LMO7: variants seen among roughly 807,000 people sequenced by gnomAD.
LMO7 encodes the protein LIM domain 7, also known as LIM domain only protein 7.
Under a neutral mutation model 206.5 loss-of-function variants are expected in LMO7, and 120 were observed. The observed-to-expected ratio is 0.58, with a 90% CI of 0.50 to 0.68. LMO7 has a LOEUF of 0.68. Among genes scored for constraint, LMO7 ranks in the 30% least tolerant of loss-of-function variants. The pLI is 0.00. For missense variants in LMO7, 1,959 were observed against 1,957.9 expected, an observed-to-expected ratio of 1.00 and a Z score of -0.01; for synonymous variants, 706 against 681.5, an observed-to-expected ratio of 1.04 and a Z score of -0.56.
At chr13:75,636,175 G>C (rs1001068088), upstream of LMO7, 1 of 462,962 alleles carries the variant, frequency 2.2e-6, no homozygotes, top group African/African-American at 2.1e-5. Context: ...GGGCCAGACA[G>C]TCTGACCACA....
At position 75,821,711 on chromosome 13, in the gene LMO7, A is replaced by T. The variant is rs1376575236; in HGVS notation, c.2640+102A>T. 7 of 694,422 alleles carry T rather than the reference A, an allele frequency of 1.0e-5. No individual in the cohort carries two copies. The South Asian group carries it at 1.2e-4, about 12-fold the overall frequency. 43.0% of individuals were successfully genotyped at this position (694,422 alleles called of 1,614,324 possible). A position where few individuals can be genotyped will look rare whatever the true frequency, so the allele number is the denominator to read the frequency against. On this transcript the variant is annotated intron_variant, in intron 14 of 30. Transcript: ENST00000377534. ...CATCAACTTGATGTGTAAACTGTAC[A>T]TAACATATATAAGGACATTTTATTT...
chr13:75,652,308 C>T (rs2037652824), intron 1 of LMO7, among the ~76,000 whole-genome samples: 1 of 152,130 alleles, frequency 6.6e-6, no homozygotes, highest in Non-Finnish European at 1.5e-5. Flanking sequence ...TCCTTACTAC[C>T]TTTCCCTACC....
intron 27 of LMO7, among the ~76,000 whole-genome samples, chr13:75,849,975 T>TA (rs2060351865): frequency 6.6e-6 from 1 of 152,072 alleles, no homozygotes; most frequent in Admixed American, 6.5e-5. Context: ...ACCAACTCTA[T>TA]AAAAAATAGA....
chr13:75,676,122 T>A (rs1456429957), intron 1 of LMO7, among the ~76,000 whole-genome samples: 3 of 152,212 alleles, frequency 2.0e-5, no homozygotes, highest in Non-Finnish European at 4.4e-5. Context: ...GTAGTAGATG[T>A]TCACTAAATG....
At chr13:75,775,181 T>G (rs2050212332) in intron 4 of LMO7, among the ~76,000 whole-genome samples, 2 of 152,034 alleles carry the variant, frequency 1.3e-5, no homozygotes, top group Non-Finnish European at 2.9e-5. Context: ...AGTTGAGCCT[T>G]TAGTATCTTT....
chr13:75,652,841 T>A (rs2037716238), intron 1 of LMO7, among the ~76,000 whole-genome samples: 1 of 152,030 alleles, frequency 6.6e-6, no homozygotes, highest in Non-Finnish European at 1.5e-5. Context: ...CAGAGTGTAA[T>A]GAGTCAAAAC....
intron 1 of LMO7, among the ~76,000 whole-genome samples, chr13:75,655,375 A>G (rs1430199739): frequency 2.0e-5 from 3 of 152,086 alleles, no homozygotes; most frequent in Non-Finnish European, 4.4e-5. Context: ...AGCTTGTTGT[A>G]TATTTTAAAA....
chr13:75,636,826 C>T (rs1336888211), intron 1 of LMO7, 100 bp downstream of exon 1: 4 of 1,188,664 alleles, frequency 3.4e-6, no homozygotes, highest in Admixed American at 4.1e-5. Context: ...CTTTAGCCTC[C>T]TTCGGCGACC....
intron 27 of LMO7, among the ~76,000 whole-genome samples, chr13:75,849,794 A>T (rs149769463): frequency 1.9e-4 from 29 of 152,320 alleles, no homozygotes; most frequent in African/African-American, 5.3e-4. Context: ...ATTAATTGGA[A>T]ATGAGTGCAG....
At chr13:75,652,352 T>C (rs888099598) in intron 1 of LMO7, among the ~76,000 whole-genome samples, 5 of 152,222 alleles carry the variant, frequency 3.3e-5, no homozygotes, top group African/African-American at 1.2e-4. Flanking sequence ...GCTGAGAATT[T>C]TCCAAGGAAA....
At chr13:75,661,744 G>A (rs985502762) in intron 1 of LMO7, among the ~76,000 whole-genome samples, 3 of 152,072 alleles carry the variant, frequency 2.0e-5, no homozygotes, top group Non-Finnish European at 2.9e-5. Context: ...TGCCCCTCCC[G>A]TGCTTTATTT....
At chr13:75,737,007 C>A (rs926825240) in intron 3 of LMO7, among the ~76,000 whole-genome samples, 12 of 152,132 alleles carry the variant, frequency 7.9e-5, no homozygotes, top group African/African-American at 2.9e-4. Context: ...ATTGTTCCCC[C>A]CAACCCCAAA....
intron 15 of LMO7, among the ~76,000 whole-genome samples, chr13:75,830,128 C>T (rs1045361568): frequency 6.6e-6 from 1 of 152,104 alleles, no homozygotes; most frequent in Admixed American, 6.5e-5. Flanking sequence ...TGGCATATGT[C>T]TTGCAGAGAA....
chr13:75,768,191 G>A (rs528816388), intron 4 of LMO7, among the ~76,000 whole-genome samples: 1 of 152,142 alleles, frequency 6.6e-6, no homozygotes, highest in South Asian at 2.1e-4. Flanking sequence ...CATGTCTCCT[G>A]TAGGAAAACA....
intron 3 of LMO7, among the ~76,000 whole-genome samples, chr13:75,756,820 T>C (rs1182454657): frequency 1.3e-5 from 2 of 151,664 alleles, no homozygotes; most frequent in Non-Finnish European, 2.9e-5. Context: ...ACTTAGATGA[T>C]GAGATTTTGG....
Position 75,842,897 on chromosome 13 carries a change from G to A in LMO7, c.4078G>A (p.Gly1360Ser), listed in dbSNP as rs2059666549. ...DIPKTEEASS[G>S]FLPGDRNKSR... is the part of the protein sequence containing the mutation. The stretch of plus-strand genomic sequence containing the variant: ...ACCAAAGACAGAAGAAGCATCTTCA[G>A]GTTTTCTTCCTGGTGACAGGTATGT... The change falls in exon 25 of 31, where the codon GGT becomes AGT. Residue 1360 changes from glycine to serine, a missense_variant. Physicochemically the swap from Gly to Ser is moderately conservative, Grantham distance 56. Coordinates refer to ENST00000377534, the MANE Select transcript of LMO7 (RefSeq NM_001306080.2). 6.2e-7 allele frequency: 1 copy of A among 1,605,354 alleles called. No homozygotes were observed. Among genetic ancestry groups the A allele is most frequent in the Middle Eastern group, 1.7e-4 (1 of 6,038 alleles).
intron 7 of LMO7, among the ~76,000 whole-genome samples, chr13:75,803,788 G>C (rs1267859255): frequency 1.3e-5 from 2 of 151,694 alleles, no homozygotes; most frequent in Non-Finnish European, 2.9e-5. Context: ...CTGGTTTATA[G>C]AATCTATCCA....
intron 1 of LMO7, among the ~76,000 whole-genome samples, chr13:75,671,050 T>G (rs1273672074): frequency 6.8e-6 from 1 of 148,044 alleles, no homozygotes. Context: ...CTACCCAGGG[T>G]TAGGATCATC....
chr13:75,819,612 T>A, intron 13 of LMO7, 77 bp downstream of exon 13: 1 of 1,336,410 alleles, frequency 7.5e-7, no homozygotes, highest in Non-Finnish European at 9.9e-7. Context: ...TATGTAAGTG[T>A]AGTGTGACAT....
Sources: gnomAD v4.1 joint callset for allele counts (sites outside exome capture counted in the v4.1 genomes callset) on GRCh38, gnomAD v4.1.1 for gene constraint, MANE v1.5 for transcripts, NCBI Gene and HGNC (gene_info 2026-07-23, HGNC 2026-07-21) for gene names.